MCTP1: variants seen among roughly 807,000 people sequenced by gnomAD.
MCTP1 encodes the protein multiple C2 and transmembrane domain-containing protein 1.
MCTP1 carries 69 observed loss-of-function variants against 120.6 expected under a neutral mutation model. The observed-to-expected ratio is 0.57, with a 90% CI of 0.47 to 0.70. The LOEUF is 0.70. MCTP1 is among the 30% of genes least tolerant of loss of function. The pLI, the probability that MCTP1 is intolerant of heterozygous loss-of-function variation, is 0.00. For synonymous variants in MCTP1, 529 were observed against 493.1 expected (o/e 1.07, Z -0.96); for missense variants, 1,203 against 1,248.8 (o/e 0.96, Z 0.55).
At chr5:94,814,805 T>C (rs1784161754) in intron 17 of MCTP1, among the ~76,000 whole-genome samples, 1 of 151,882 alleles carries the variant, frequency 6.6e-6, no homozygotes, top group African/African-American at 2.4e-5. Context: ...CACAGGAGAA[T>C]GAGGATAGTG....
intron 6 of MCTP1, among the ~76,000 whole-genome samples, chr5:94,927,968 G>A (rs760062627): frequency 1.3e-5 from 2 of 151,912 alleles, no homozygotes; most frequent in Non-Finnish European, 2.9e-5. Context: ...AAGCTGTCAA[G>A]TAATAGAAGA....
chr5:94,860,753 G>A (rs1410192017), intron 17 of MCTP1, among the ~76,000 whole-genome samples: 1 of 151,380 alleles, frequency 6.6e-6, no homozygotes, highest in Non-Finnish European at 1.5e-5. Flanking sequence ...GCTGGGGCGG[G>A]GGGGAAGCAA....
intron 1 of MCTP1, among the ~76,000 whole-genome samples, chr5:95,097,979 T>C (rs1416894609): frequency 6.6e-6 from 1 of 152,228 alleles, no homozygotes; most frequent in East Asian, 1.9e-4. Context: ...GAGATACAAT[T>C]AGCTTTGAGT....
chr5:94,939,680 C>T (rs1015753606), intron 5 of MCTP1, among the ~76,000 whole-genome samples: 4 of 151,980 alleles, frequency 2.6e-5, no homozygotes, highest in African/African-American at 9.7e-5. Context: ...GTTATAATTT[C>T]ACCTCATTTT....
At chr5:95,055,101 T>C (rs563053197) in intron 1 of MCTP1, among the ~76,000 whole-genome samples, 7 of 150,334 alleles carry the variant, frequency 4.7e-5, no homozygotes, top group Non-Finnish European at 1.0e-4. Context: ...TAATATTTCT[T>C]TCTTTTGGTG....
intron 10 of MCTP1, among the ~76,000 whole-genome samples, chr5:94,897,931 T>C (rs1398477022): frequency 6.6e-6 from 1 of 152,198 alleles, no homozygotes; most frequent in African/African-American, 2.4e-5. Flanking sequence ...TGAAAATATG[T>C]TATTTTTATG....
At chr5:94,917,619 G>T (rs1315015678) in intron 8 of MCTP1, among the ~76,000 whole-genome samples, 2 of 152,046 alleles carry the variant, frequency 1.3e-5, no homozygotes, top group Non-Finnish European at 2.9e-5. Context: ...AATTAATAAA[G>T]AATATCAAGA....
At chr5:95,016,098 A>ACAGTTATT (rs1334186102) in intron 2 of MCTP1, among the ~76,000 whole-genome samples, 1 of 152,134 alleles carries the variant, frequency 6.6e-6, no homozygotes, top group Non-Finnish European at 1.5e-5. Flanking sequence ...ACTAAACCAG[A>ACAGTTATT]CAGTTATTTT....
chr5:94,940,710 C>T (rs1817513423), intron 4 of MCTP1, among the ~76,000 whole-genome samples: 1 of 150,162 alleles, frequency 6.7e-6, no homozygotes, highest in Non-Finnish European at 1.5e-5. Flanking sequence ...GTAATGATTA[C>T]ATACAAAAAT....
At chr5:95,034,903 G>A (rs965927461) in intron 1 of MCTP1, among the ~76,000 whole-genome samples, 5 of 151,920 alleles carry the variant, frequency 3.3e-5, no homozygotes, top group Admixed American at 2.0e-4. Context: ...ATTAAAAAGT[G>A]GGCAAAAGAC....
chr5:94,912,075 G>A (rs541314222), intron 9 of MCTP1, among the ~76,000 whole-genome samples: 2 of 152,128 alleles, frequency 1.3e-5, no homozygotes, highest in South Asian at 4.2e-4. Flanking sequence ...AAGTCAGGTT[G>A]GATAAAGTGT....
rs536438955 is a variant in MCTP1 at position 95,261,102 on chromosome 5, T to C, written c.720+22754A>G. Among the ~76,000 whole-genome samples the C allele has an allele frequency of 1.4e-4, 22 of 152,304 alleles. No individual in the cohort carries two copies. The East Asian group carries it at 2.3e-3, about 16-fold the overall frequency. On this transcript the variant is annotated intron_variant, in intron 1 of 22. Coordinates refer to ENST00000515393, the MANE Select transcript of MCTP1 (RefSeq NM_024717.7). ...CTATTCCTCTAGATAGTAAGGAAAATATCCGAAATTTGTTCCCAGCCCTAT... is the reference window on the plus strand; with the variant it reads ...CTATTCCTCTAGATAGTAAGGAAAACATCCGAAATTTGTTCCCAGCCCTAT...
chr5:95,268,930 C>A (rs887658592), intron 1 of MCTP1, among the ~76,000 whole-genome samples: 4 of 152,292 alleles, frequency 2.6e-5, no homozygotes, highest in Admixed American at 1.3e-4. Flanking sequence ...GCAGACCTAG[C>A]AGCTTTTCAA....
At chr5:95,183,354 T>C (rs1748831379) in intron 1 of MCTP1, among the ~76,000 whole-genome samples, 1 of 151,594 alleles carries the variant, frequency 6.6e-6, no homozygotes, top group Admixed American at 6.6e-5. Context: ...AGAAAAATTT[T>C]ACAGCCATGG....
At chr5:95,063,360 G>A (rs1171167902) in intron 1 of MCTP1, among the ~76,000 whole-genome samples, 2 of 152,088 alleles carry the variant, frequency 1.3e-5, no homozygotes, top group African/African-American at 2.4e-5. Flanking sequence ...TCTCTCTCCT[G>A]TGAAATGTTT....
At chr5:94,926,932 T>C (rs1813275600) in intron 6 of MCTP1, among the ~76,000 whole-genome samples, 1 of 152,176 alleles carries the variant, frequency 6.6e-6, no homozygotes, top group South Asian at 2.1e-4. Context: ...TTACATTTTG[T>C]CCCTTCACTT....
intron 1 of MCTP1, among the ~76,000 whole-genome samples, chr5:95,077,618 G>A (rs1221074104): frequency 3.3e-5 from 5 of 151,834 alleles, no homozygotes; most frequent in East Asian, 3.9e-4. Flanking sequence ...GACTACAGGC[G>A]CTCGCCACCA....
intron 18 of MCTP1, among the ~76,000 whole-genome samples, chr5:94,779,671 A>G (rs1776167947): frequency 6.6e-6 from 1 of 152,200 alleles, no homozygotes; most frequent in Non-Finnish European, 1.5e-5. Context: ...ATTCTTATGT[A>G]TAAATGTCAA....
chr5:95,103,730 T>C (rs1253604739), intron 1 of MCTP1, among the ~76,000 whole-genome samples: 2 of 152,146 alleles, frequency 1.3e-5, no homozygotes, highest in Admixed American at 1.3e-4. Context: ...GGATTCCAAG[T>C]AATAAAATCC....
Sources: gnomAD v4.1 joint callset for allele counts (sites outside exome capture counted in the v4.1 genomes callset) on GRCh38, gnomAD v4.1.1 for gene constraint, MANE v1.5 for transcripts, NCBI Gene and HGNC (gene_info 2026-07-23, HGNC 2026-07-21) for gene names.